TMCC1: variants seen among roughly 807,000 people sequenced by gnomAD.
TMCC1 encodes transmembrane and coiled-coil domain family 1, also known as transmembrane and coiled-coil domains protein 1.
TMCC1 carries 15 observed loss-of-function variants against 52.4 expected under a neutral mutation model. That is an observed-to-expected ratio of 0.29 (90% CI 0.19 to 0.44). TMCC1 has a LOEUF of 0.44. Among genes scored for constraint, TMCC1 ranks in the 20% least tolerant of loss-of-function variants. The pLI is 1.00. For missense variants in TMCC1, 503 were observed against 806.0 expected (o/e 0.62, Z 4.55); for synonymous variants, 279 against 301.9 (o/e 0.92, Z 0.79).
chr3:129,849,741 G>A (rs538131858), intron 2 of TMCC1, among the ~76,000 whole-genome samples: 1 of 151,520 alleles, frequency 6.6e-6, no homozygotes, highest in African/African-American at 2.4e-5. Context: ...ACTACAGCTT[G>A]GGCAACAGAG....
intron 4 of TMCC1, among the ~76,000 whole-genome samples, chr3:129,808,121 G>A (rs2717254): frequency 0.97 from 143,992 of 148,670 alleles, 69,902 homozygotes; most frequent in Non-Finnish European, 1. Context: ...GGTCAAGGCT[G>A]TAGTGAGCTG....
chr3:129,757,908 C>T (rs1038064818), intron 4 of TMCC1, among the ~76,000 whole-genome samples: 2 of 151,780 alleles, frequency 1.3e-5, no homozygotes, highest in South Asian at 4.1e-4. Context: ...TCCAAACCCA[C>T]AACTGGACAT....
At chr3:129,803,788 A>C (rs894812781) in intron 4 of TMCC1, among the ~76,000 whole-genome samples, 2 of 152,150 alleles carry the variant, frequency 1.3e-5, no homozygotes, top group Non-Finnish European at 2.9e-5. Flanking sequence ...ATTACTCATA[A>C]TCACACAATG....
At chr3:129,805,678 A>C (rs761605541) in intron 4 of TMCC1, among the ~76,000 whole-genome samples, 1 of 152,142 alleles carries the variant, frequency 6.6e-6, no homozygotes, top group Non-Finnish European at 1.5e-5. Context: ...CACTCCTGTA[A>C]TCCCAATACT....
At chr3:129,811,574 G>A (rs940719253) in intron 4 of TMCC1, among the ~76,000 whole-genome samples, 8 of 152,214 alleles carry the variant, frequency 5.3e-5, no homozygotes, top group African/African-American at 1.7e-4. Context: ...AACCATTTGA[G>A]AAAAGTGATC....
At chr3:129,765,898 G>A (rs750457370) in intron 4 of TMCC1, among the ~76,000 whole-genome samples, 26 of 152,006 alleles carry the variant, frequency 1.7e-4, no homozygotes, top group Non-Finnish European at 3.5e-4. Context: ...CGGAGGGAGG[G>A]AGGGAGGTAC....
intron 1 of TMCC1, among the ~76,000 whole-genome samples, chr3:129,884,958 G>A (rs1323220909): frequency 6.6e-6 from 1 of 151,856 alleles, no homozygotes; most frequent in Non-Finnish European, 1.5e-5. Flanking sequence ...GGGCAACATG[G>A]TGAAACCTCA....
At chr3:129,839,393 CT>C (rs35319867) in intron 2 of TMCC1, among the ~76,000 whole-genome samples, 1 of 151,986 alleles carries the variant, frequency 6.6e-6, no homozygotes, top group East Asian at 1.9e-4. Flanking sequence ...CACTAAAAAC[CT>C]TTTTAAAGAA....
chr3:129,696,672 A>AAATAG (rs2047436858), intron 4 of TMCC1, among the ~76,000 whole-genome samples: 1 of 152,220 alleles, frequency 6.6e-6, no homozygotes, highest in Admixed American at 6.5e-5. Flanking sequence ...TCCGCCTATG[A>AAATAG]GCCTGTAAAA....
At position 129,749,725 on chromosome 3, in the gene TMCC1, T is replaced by C. The variant is rs569011566; in HGVS notation, c.576+78078A>G. Reference sequence around the variant, plus strand: ...AAAAGGGAATATTTAATATGCAGCATGAACCATGTTTCTCTTTATACATAA... The same window carrying C: ...AAAAGGGAATATTTAATATGCAGCACGAACCATGTTTCTCTTTATACATAA... On this transcript the variant is annotated intron_variant, in intron 4 of 6. Coordinates refer to ENST00000393238, the MANE Select transcript of TMCC1 (RefSeq NM_001017395.5). Among the ~76,000 whole-genome samples, 3 of 152,342 alleles carry C rather than the reference T, an allele frequency of 2.0e-5. No homozygotes were observed. In the East Asian group the frequency reaches 5.8e-4, roughly 29 times the overall value.
chr3:129,726,574 C>T (rs2050102336), intron 4 of TMCC1, among the ~76,000 whole-genome samples: 1 of 151,774 alleles, frequency 6.6e-6, no homozygotes, highest in African/African-American at 2.4e-5. Context: ...ATTCTAATAT[C>T]TCAAGTCTCC....
intron 4 of TMCC1, among the ~76,000 whole-genome samples, chr3:129,755,036 C>T (rs936125404): frequency 6.6e-6 from 1 of 152,112 alleles, no homozygotes; most frequent in Non-Finnish European, 1.5e-5. Flanking sequence ...CGAGATCGCA[C>T]CACTGCACTC....
Position 129,671,012 on chromosome 3 carries a change from T to A in TMCC1, c.829A>T (p.Ile277Phe). The change falls in exon 5 of 7, where the codon ATC (isoleucine) becomes TTC (phenylalanine). Residue 277 changes from isoleucine to phenylalanine, a missense_variant. By Grantham distance (21) the Ile-to-Phe change is conservative. This residue lies in a region of TMCC1 where 73 missense variants were observed against 182.9 expected (regional missense o/e 0.40). Transcript: ENST00000393238. Reference sequence around the variant, plus strand: ...TTCTTCTTCTCAAAGACTTGCTTGATGCGGGCAGCCTGCTGTTTGTCTGCA... The same window carrying A: ...TTCTTCTTCTCAAAGACTTGCTTGAAGCGGGCAGCCTGCTGTTTGTCTGCA... Reference protein sequence around the residue: ...NSADKQQAARIKQVFEKKNQK... With the variant: ...NSADKQQAARFKQVFEKKNQK... 1.2e-6 allele frequency: 2 copies of A among 1,614,242 alleles called. No individual in the cohort carries two copies. The highest frequency in any genetic ancestry group is 1.7e-6 in the Non-Finnish European group (2 of 1,180,050).
At chr3:129,848,671 C>A (rs1003277867) in intron 2 of TMCC1, among the ~76,000 whole-genome samples, 2 of 152,184 alleles carry the variant, frequency 1.3e-5, no homozygotes, top group Admixed American at 6.5e-5. Context: ...AGAAAATACA[C>A]AAATCCGTGC....
At chr3:129,667,062 T>G (rs1166900044) in intron 5 of TMCC1, among the ~76,000 whole-genome samples, 2 of 151,142 alleles carry the variant, frequency 1.3e-5, no homozygotes, top group Non-Finnish European at 3.0e-5. Context: ...CCACCATGCC[T>G]GGCTAATTTT....
chr3:129,801,443 G>A (rs768814824), intron 4 of TMCC1, among the ~76,000 whole-genome samples: 5 of 151,750 alleles, frequency 3.3e-5, no homozygotes, highest in Admixed American at 6.6e-5. Flanking sequence ...GCCAATACAC[G>A]CCTGTTTTTG....
At chr3:129,675,804 G>A (rs1306107129) in intron 4 of TMCC1, among the ~76,000 whole-genome samples, 5 of 152,114 alleles carry the variant, frequency 3.3e-5, no homozygotes, top group African/African-American at 4.8e-5. Context: ...TTGAGAGGCC[G>A]AGGCAGGCGG....
intron 4 of TMCC1, among the ~76,000 whole-genome samples, chr3:129,736,842 C>A (rs1465517387): frequency 6.6e-6 from 1 of 151,802 alleles, no homozygotes; most frequent in Non-Finnish European, 1.5e-5. Context: ...GTATGAGTAC[C>A]CTTTCTCTAA....
At chr3:129,678,941 T>G (rs1310247423) in intron 4 of TMCC1, among the ~76,000 whole-genome samples, 1 of 152,190 alleles carries the variant, frequency 6.6e-6, no homozygotes, top group Non-Finnish European at 1.5e-5. Context: ...TTTTAAAACA[T>G]AAGTCAGATT....
Sources: gnomAD v4.1 joint callset for allele counts (sites outside exome capture counted in the v4.1 genomes callset) on GRCh38, gnomAD v4.1.1 for gene constraint, gnomAD v4.1.1 regional missense constraint, MANE v1.5 for transcripts, NCBI Gene and HGNC (gene_info 2026-07-23, HGNC 2026-07-21) for gene names.